The following MAST4 variants were observed in gnomAD, a reference collection of about 807,000 sequenced individuals.
MAST4 encodes the protein microtubule associated serine/threonine kinase family member 4.
A neutral mutation model predicts 162.7 loss-of-function variants in MAST4; 89 were observed. That is an observed-to-expected ratio of 0.55 (90% CI 0.46 to 0.65). MAST4 has a LOEUF of 0.65. Ranked by LOEUF, MAST4 falls within the 30% of genes least tolerant of loss-of-function variation. MAST4 has a pLI of 0.00. For missense variants in MAST4, 3,153 were observed against 3,374.0 expected (o/e 0.93, Z 1.62); for synonymous variants, 1,479 against 1,361.1 (o/e 1.09, Z -1.91).
chr5:67,041,011 C>A (rs1357713229), intron 4 of MAST4, among the ~76,000 whole-genome samples: 4 of 152,186 alleles, frequency 2.6e-5, no homozygotes, highest in Non-Finnish European at 5.9e-5. Flanking sequence ...ATAGGATTGT[C>A]ATGAAAATTA....
intron 1 of MAST4, among the ~76,000 whole-genome samples, chr5:66,721,187 C>T (rs935587090): frequency 6.6e-6 from 1 of 152,178 alleles, no homozygotes; most frequent in Non-Finnish European, 1.5e-5. Context: ...CTCTTGCCCC[C>T]ACTTTCTCAT....
At chr5:66,728,169 A>G (rs1317623577) in intron 1 of MAST4, among the ~76,000 whole-genome samples, 3 of 152,176 alleles carry the variant, frequency 2.0e-5, no homozygotes, top group Non-Finnish European at 2.9e-5. Context: ...CTAAAATATT[A>G]TGGACATTGG....
chr5:66,731,919 T>C (rs577241484), intron 1 of MAST4, among the ~76,000 whole-genome samples: 120 of 152,122 alleles, frequency 7.9e-4, no homozygotes, highest in African/African-American at 2.8e-3. Context: ...CCCATGGAGA[T>C]CTGTGACTCT....
chr5:66,899,002 G>A (rs532002221), intron 3 of MAST4, among the ~76,000 whole-genome samples: 1 of 152,270 alleles, frequency 6.6e-6, no homozygotes, highest in South Asian at 2.1e-4. Flanking sequence ...ACCTTTCAAA[G>A]GATAGTGCTC....
chr5:66,596,534 C>T lies in MAST4; in HGVS notation c.-122C>T, dbSNP rs1241884040. ...TGCCATGTAGTCGCTGGCGGGGCTC[C>T]CTGCAGCCCGGGAGCGGCAGTGCCA... On this transcript the variant is annotated 5_prime_UTR_variant, in exon 1 of 29. Coordinates refer to ENST00000403625, the MANE Select transcript of MAST4 (RefSeq NM_001164664.2). 2.5e-6 allele frequency: 3 copies of T among 1,192,024 alleles called. No homozygotes were observed. Among genetic ancestry groups the T allele is most frequent in the African/African-American group, 3.2e-5 (2 of 63,092 alleles). The allele number at this position is 1,192,024 out of a possible 1,614,324, so 73.8% of individuals were successfully genotyped here. A position where few individuals can be genotyped will look rare whatever the true frequency, so the allele number is the denominator to read the frequency against.
At chr5:67,032,608 AG>A (rs1415316608) in intron 4 of MAST4, among the ~76,000 whole-genome samples, 2 of 152,132 alleles carry the variant, frequency 1.3e-5, no homozygotes, top group African/African-American at 4.8e-5. Flanking sequence ...GAACAAAATA[AG>A]GGTTACTTCT....
At chr5:67,038,468 T>C (rs1466516403) in intron 4 of MAST4, among the ~76,000 whole-genome samples, 1 of 152,170 alleles carries the variant, frequency 6.6e-6, no homozygotes, top group Non-Finnish European at 1.5e-5. Flanking sequence ...CTCTAAAAAC[T>C]GTTAGGGGAT....
chr5:66,651,226 T>G (rs1258904562), intron 1 of MAST4, among the ~76,000 whole-genome samples: 2 of 152,094 alleles, frequency 1.3e-5, no homozygotes, highest in Non-Finnish European at 2.9e-5. Flanking sequence ...TAATAGCTGC[T>G]ATTCAGGAAA....
chr5:66,725,357 A>G (rs1751448598), intron 1 of MAST4, among the ~76,000 whole-genome samples: 1 of 151,518 alleles, frequency 6.6e-6, no homozygotes. Context: ...ATGATCATAA[A>G]TATTGGATGT....
chr5:66,898,025 TTTG>T (rs1271499746), intron 3 of MAST4, among the ~76,000 whole-genome samples: 4 of 152,208 alleles, frequency 2.6e-5, no homozygotes, highest in Admixed American at 2.0e-4. Context: ...GATTTATTAT[TTTG>T]TTGTTATTAA....
chr5:66,919,900 CCTTCCTTCCTT>C (rs1292766417), intron 4 of MAST4, among the ~76,000 whole-genome samples: 336 of 2,532 alleles, frequency 0.13, 4 homozygotes, highest in African/African-American at 0.16. Context: ...TTTTCTCTCT[CCTTCCTTCCTT>C]CCTTCCTTCC....
chr5:66,607,190 G>T (rs1383876393), intron 1 of MAST4, among the ~76,000 whole-genome samples: 2 of 152,156 alleles, frequency 1.3e-5, no homozygotes, highest in African/African-American at 4.8e-5. Context: ...ACAGAACCTT[G>T]CATGATGTGG....
chr5:66,811,733 T>C (rs976169599), intron 3 of MAST4, among the ~76,000 whole-genome samples: 2 of 152,124 alleles, frequency 1.3e-5, no homozygotes, highest in Non-Finnish European at 2.9e-5. Flanking sequence ...AGGGAGCAAA[T>C]GGGCAATGAA....
chr5:67,027,988 G>T (rs1263282470), intron 4 of MAST4, among the ~76,000 whole-genome samples: 5 of 152,316 alleles, frequency 3.3e-5, no homozygotes, highest in Middle Eastern at 3.4e-3. Flanking sequence ...GGAGACAGAT[G>T]AGTCTCTACC....
rs1209782576 is a variant in MAST4, at chr5:66,837,864, T to TTATA, written c.642+49098_642+49101dup. ...ATCAAGTCTCAAGTGAGACTTGATT[T>TTATA]TATATATATATATATATATATATAT... On this transcript the variant is annotated intron_variant, in intron 3 of 28. Transcript: ENST00000403625. 6.2e-3 allele frequency among the ~76,000 whole-genome samples: 515 copies of TTATA among 82,556 alleles called. 5 individuals carry two copies. The highest frequency in any genetic ancestry group is 0.013 in the South Asian group (24 of 1,818). The allele number at this position is 82,556 out of a possible 152,430, so 54.2% of individuals were successfully genotyped here.
intron 1 of MAST4, among the ~76,000 whole-genome samples, chr5:66,688,448 G>T (rs1451876080): frequency 6.6e-6 from 1 of 152,192 alleles, no homozygotes; most frequent in Non-Finnish European, 1.5e-5. Context: ...GCCTTATTAG[G>T]CAGGCTAATT....
chr5:66,773,230 T>G (rs545199954), intron 2 of MAST4, among the ~76,000 whole-genome samples: 4 of 152,238 alleles, frequency 2.6e-5, no homozygotes, highest in African/African-American at 9.6e-5. Context: ...AATTAGTGTT[T>G]CTGATATATT....
rs116692033 is a variant in MAST4 at position 67,131,400 on chromosome 5, C to T, written c.1955-413C>T. 3.1e-3 allele frequency among the ~76,000 whole-genome samples: 477 copies of T among 152,234 alleles called. 2 individuals are homozygous for T. Among genetic ancestry groups the T allele is most frequent in the Non-Finnish European group, 4.7e-3 (319 of 68,006 alleles). On this transcript the variant is annotated intron_variant, in intron 15 of 28. Coordinates refer to ENST00000403625, the MANE Select transcript of MAST4 (RefSeq NM_001164664.2). ...ACAAAGATGGTATTATTACCATCCTCGTATTACAGGTGAAGGAACCAAGAG... is the reference window on the plus strand; with the variant it reads ...ACAAAGATGGTATTATTACCATCCTTGTATTACAGGTGAAGGAACCAAGAG...
At chr5:66,988,906 T>C (rs1749790592) in intron 4 of MAST4, among the ~76,000 whole-genome samples, 2 of 152,230 alleles carry the variant, frequency 1.3e-5, no homozygotes, top group African/African-American at 4.8e-5. Context: ...AGATTGTGGC[T>C]TACAGCTTTA....
Sources: gnomAD v4.1 joint callset for allele counts (sites outside exome capture counted in the v4.1 genomes callset) on GRCh38, gnomAD v4.1.1 for gene constraint, MANE v1.5 for transcripts, NCBI Gene and HGNC (gene_info 2026-07-23, HGNC 2026-07-21) for gene names.